Variants in CNIH3 observed in about 807,000 individuals in gnomAD.
The protein encoded by CNIH3 is cornichon family AMPA receptor auxiliary protein 3, also known as protein cornichon homolog 3.
A neutral mutation model predicts 24.1 loss-of-function variants in CNIH3; 14 were observed. The observed-to-expected ratio is 0.58, with a 90% CI of 0.38 to 0.91. CNIH3 has a LOEUF of 0.91. Ranked by LOEUF, CNIH3 falls within the 40% of genes least tolerant of loss-of-function variation. The pLI, the probability that CNIH3 is intolerant of heterozygous loss-of-function variation, is 0.00. For synonymous variants in CNIH3, 68 were observed against 73.8 expected (o/e 0.92, Z 0.40); for missense variants, 178 against 196.8 (o/e 0.90, Z 0.57).
In CNIH3 at chr1:224,469,225, T is replaced by C. The variant is rs186959800; in HGVS notation, n.203+34363T>C. Among the ~76,000 whole-genome samples the C allele has an allele frequency of 1.1e-4, 17 of 152,128 alleles. No individual in the cohort carries two copies. In the East Asian group the frequency reaches 2.9e-3, roughly 26 times the overall value. The stretch of plus-strand genomic sequence containing the variant: ...CCTCTTGAGAAGCTGGAGCTTCAGG[T>C]GCATGCCACCATGCCCAGCTAATTT... On this transcript the variant is annotated intron_variant and non_coding_transcript_variant, in intron 1 of 5. Transcript: ENST00000471578.
At chr1:224,618,421 T>C (rs1350508328) in intron 1 of CNIH3, among the ~76,000 whole-genome samples, 1 of 152,222 alleles carries the variant, frequency 6.6e-6, no homozygotes, top group African/African-American at 2.4e-5. Flanking sequence ...ACAGTGGGGA[T>C]GACCCAAAAT....
chr1:224,542,611 T>C (rs1264170072), intron 2 of CNIH3, among the ~76,000 whole-genome samples: 1 of 151,944 alleles, frequency 6.6e-6, no homozygotes, highest in Non-Finnish European at 1.5e-5. Context: ...TAGCAGAAAA[T>C]ATTTACTCTA....
intron 1 of CNIH3, among the ~76,000 whole-genome samples, chr1:224,447,279 C>A (rs1675206661): frequency 6.6e-6 from 1 of 152,156 alleles, no homozygotes; most frequent in Admixed American, 6.5e-5. Flanking sequence ...GGCCCAAGAA[C>A]CTAGGGGGCT....
intron 3 of CNIH3, among the ~76,000 whole-genome samples, chr1:224,556,039 A>G (rs934599035): frequency 3.9e-5 from 6 of 152,218 alleles, no homozygotes; most frequent in Non-Finnish European, 8.8e-5. Flanking sequence ...GTCGTACATT[A>G]CAGCTGGCAT....
At chr1:224,524,226 G>C (rs1302024754) in intron 2 of CNIH3, among the ~76,000 whole-genome samples, 1 of 152,200 alleles carries the variant, frequency 6.6e-6, no homozygotes. Flanking sequence ...GACCCTCTCA[G>C]AGGGCAGAAC....
At chr1:224,674,405 A>G (rs977246437) in intron 1 of CNIH3, among the ~76,000 whole-genome samples, 1 of 151,338 alleles carries the variant, frequency 6.6e-6, no homozygotes, top group Admixed American at 6.6e-5. Context: ...ACCCAAAGAC[A>G]GAAGCATGAG....
intron 5 of CNIH3, chr1:224,587,182 A>C (rs1681546964): frequency 6.6e-6 from 1 of 152,342 alleles, no homozygotes; most frequent in African/African-American, 2.4e-5. Context: ...GTGAGAATGC[A>C]GGTGCGCTGA....
At chr1:224,736,871 G>A (rs988117429) in intron 5 of CNIH3, among the ~76,000 whole-genome samples, 18 of 152,212 alleles carry the variant, frequency 1.2e-4, no homozygotes, top group Non-Finnish European at 2.1e-4. Flanking sequence ...GGACAAAGCC[G>A]CCGTGGGCTT....
At chr1:224,566,185 T>C (rs1048384791) in intron 3 of CNIH3, 4 of 152,188 alleles carry the variant, frequency 2.6e-5, no homozygotes, top group Non-Finnish European at 5.9e-5. Flanking sequence ...TTGTATGTTT[T>C]GTTTGTTTTC....
intron 2 of CNIH3, among the ~76,000 whole-genome samples, chr1:224,521,943 A>G (rs1366115303): frequency 6.6e-6 from 1 of 152,202 alleles, no homozygotes; most frequent in African/African-American, 2.4e-5. Context: ...ATAGACCCTA[A>G]AATGTGGATT....
intron 4 of CNIH3, among the ~76,000 whole-genome samples, chr1:224,581,416 A>G (rs1681268311): frequency 6.6e-6 from 1 of 152,202 alleles, no homozygotes; most frequent in South Asian, 2.1e-4. Flanking sequence ...TACCCTTTTG[A>G]AAACCTTTTC....
intron 5 of CNIH3, among the ~76,000 whole-genome samples, chr1:224,586,282 T>C (rs1279969572): frequency 6.6e-6 from 1 of 152,184 alleles, no homozygotes; most frequent in Non-Finnish European, 1.5e-5. Flanking sequence ...AGACTCACAG[T>C]TCCATGTGGC....
upstream of CNIH3, among the ~76,000 whole-genome samples, chr1:224,614,898 C>A (rs1181756867): frequency 1.3e-5 from 2 of 151,844 alleles, no homozygotes; most frequent in African/African-American, 4.8e-5. Flanking sequence ...AGAGATCACG[C>A]CACTGCACTC....
intron 1 of CNIH3, chr1:224,454,154 A>T (rs1397806504): frequency 2.9e-5 from 8 of 277,594 alleles, no homozygotes; most frequent in African/African-American, 4.6e-5. Flanking sequence ...AATAAGCAAC[A>T]CCCAAAATGT....
At chr1:224,707,037 C>G (rs191553855) in intron 3 of CNIH3, among the ~76,000 whole-genome samples, 1 of 141,240 alleles carries the variant, frequency 7.1e-6, no homozygotes, top group Non-Finnish European at 1.5e-5. Flanking sequence ...GATCTTTGCT[C>G]ACTGCAACCT....
chr1:224,670,016 T>C (rs909127801), intron 1 of CNIH3, among the ~76,000 whole-genome samples: 1 of 152,112 alleles, frequency 6.6e-6, no homozygotes, highest in Non-Finnish European at 1.5e-5. Flanking sequence ...TATCACCCCA[T>C]TTTGCATTCA....
intron 1 of CNIH3, among the ~76,000 whole-genome samples, chr1:224,468,718 A>T (rs1295238685): frequency 2.0e-5 from 3 of 151,760 alleles, no homozygotes; most frequent in Non-Finnish European, 4.4e-5. Flanking sequence ...CTGTGGTAGG[A>T]GAAGGTGGGA....
intron 3 of CNIH3, among the ~76,000 whole-genome samples, chr1:224,555,641 A>G (rs6656824): frequency 0.17 from 26,386 of 152,270 alleles, 2,469 homozygotes; most frequent in South Asian, 0.36. Flanking sequence ...CAGATTGTTT[A>G]CAAATGTAAT....
intron 1 of CNIH3, among the ~76,000 whole-genome samples, chr1:224,463,533 C>T (rs538063352): frequency 3.3e-5 from 5 of 151,974 alleles, no homozygotes; most frequent in Admixed American, 2.6e-4. Context: ...CTCAGCCTCC[C>T]GAGTAGCTGG....
Sources: gnomAD v4.1 joint callset for allele counts (sites outside exome capture counted in the v4.1 genomes callset) on GRCh38, gnomAD v4.1.1 for gene constraint, MANE v1.5 for transcripts, NCBI Gene and HGNC (gene_info 2026-07-23, HGNC 2026-07-21) for gene names.